FSTL5: variants seen among roughly 807,000 people sequenced by gnomAD.
FSTL5 encodes the protein follistatin-related protein 5.
A neutral mutation model predicts 89.1 loss-of-function variants in FSTL5; 62 were observed. The observed-to-expected ratio is 0.70, with a 90% CI of 0.57 to 0.86. The LOEUF (loss-of-function observed/expected upper bound fraction) is 0.86, where lower values mean the gene tolerates loss of function less well. Ranked by LOEUF, FSTL5 falls within the 40% of genes least tolerant of loss-of-function variation. The pLI is 0.00. For synonymous variants in FSTL5, 383 were observed against 346.2 expected, an observed-to-expected ratio of 1.11 and a Z score of -1.18; for missense variants, 1,057 against 1,001.6, an observed-to-expected ratio of 1.06 and a Z score of -0.75.
rs74281503 is a variant in FSTL5 at position 161,752,226 on chromosome 4, CAGATAGATAGAT to C, written c.727+7173_727+7184del. Among the ~76,000 whole-genome samples the C allele has an allele frequency of 9.9e-4, 137 of 139,070 alleles. 1 individual carries two copies. The highest frequency in any genetic ancestry group is 2.4e-3 in the South Asian group (10 of 4,252). 91.2% of individuals were successfully genotyped at this position (139,070 alleles called of 152,430 possible). A position where few individuals can be genotyped will look rare whatever the true frequency, so the allele number is the denominator to read the frequency against. On this transcript the variant is annotated intron_variant, in intron 6 of 15. Coordinates refer to ENST00000306100, the MANE Select transcript of FSTL5 (RefSeq NM_020116.5). ...TAAATATAGACAGATGATAGATGGA[CAGATAGATAGAT>C]AGATAGATAGATAGATAGATAGATA...
Position 162,033,039 on chromosome 4 carries a change from G to A in FSTL5, c.160+586C>T, listed in dbSNP as rs76646723. Among the ~76,000 whole-genome samples, 2,544 of 152,178 alleles carry A rather than the reference G, an allele frequency of 0.017. 137 individuals are homozygous for A. The East Asian group carries it at 0.19, about 11-fold the overall frequency. On this transcript the variant is annotated intron_variant, in intron 3 of 15. Transcript: ENST00000306100. ...ATCATTATAATCAGCAGAAGCACAA[G>A]TTAATGGAAGTCATTTACTGAAGGA...
At chr4:161,993,547 G>A (rs1454652324) in intron 3 of FSTL5, among the ~76,000 whole-genome samples, 3 of 152,018 alleles carry the variant, frequency 2.0e-5, no homozygotes, top group African/African-American at 7.2e-5. Flanking sequence ...TAGGGTACAT[G>A]TTGTATTTTG....
At chr4:161,504,045 A>G (rs367636627) in intron 11 of FSTL5, among the ~76,000 whole-genome samples, 1 of 151,968 alleles carries the variant, frequency 6.6e-6, no homozygotes, top group East Asian at 1.9e-4. Flanking sequence ...AGAATCCAGC[A>G]TCTTCTATTA....
At chr4:161,680,163 C>T (rs1579015852) in intron 6 of FSTL5, among the ~76,000 whole-genome samples, 1 of 151,584 alleles carries the variant, frequency 6.6e-6, no homozygotes, top group East Asian at 1.9e-4. Flanking sequence ...AAATAATATG[C>T]TAAAAATGAA....
At chr4:161,852,545 C>G (rs12510658) in intron 4 of FSTL5, among the ~76,000 whole-genome samples, 19,186 of 152,150 alleles carry the variant, frequency 0.13, 1,335 homozygotes, top group Middle Eastern at 0.17. Flanking sequence ...TTGTGGAAGA[C>G]AGTGTGGTGA....
At chr4:161,948,048 G>A (rs1055813645) in intron 3 of FSTL5, among the ~76,000 whole-genome samples, 8 of 151,956 alleles carry the variant, frequency 5.3e-5, no homozygotes, top group East Asian at 1.9e-4. Context: ...AGGCCAAGGT[G>A]GCAGAATCGC....
At chr4:162,007,425 A>G (rs1046603842) in intron 3 of FSTL5, among the ~76,000 whole-genome samples, 35 of 151,956 alleles carry the variant, frequency 2.3e-4, no homozygotes, top group African/African-American at 7.9e-4. Context: ...AAGTAAATGT[A>G]TTTTTCAAAT....
Position 161,835,738 on chromosome 4 carries a change from T to C in FSTL5, c.410-59664A>G, listed in dbSNP as rs1331750684. On this transcript the variant is annotated intron_variant, in intron 4 of 15. Transcript: ENST00000306100. ...TCACTGGCTATCAGACAAATGCAAA[T>C]CAAAACCACAATGGGATACCATCCC... Among the ~76,000 whole-genome samples the C allele has an allele frequency of 2.6e-5, 4 of 152,048 alleles. No homozygotes were observed. The East Asian group carries it at 7.7e-4, about 29-fold the overall frequency.
chr4:161,789,058 AT>A (rs1390767478), intron 4 of FSTL5, among the ~76,000 whole-genome samples: 17 of 152,228 alleles, frequency 1.1e-4, no homozygotes, highest in Admixed American at 1.1e-3. Context: ...GGAAACAAAA[AT>A]ATCTTCTCTT....
intron 1 of FSTL5, among the ~76,000 whole-genome samples, chr4:162,161,863 A>G (rs1733709821): frequency 6.6e-6 from 1 of 152,080 alleles, no homozygotes; most frequent in Non-Finnish European, 1.5e-5. Context: ...ATTAGTTTTA[A>G]CAAGAACATT....
intron 2 of FSTL5, among the ~76,000 whole-genome samples, chr4:162,048,598 TACAC>T (rs34979000): frequency 0.7 from 104,854 of 149,396 alleles, 36,912 homozygotes; most frequent in Middle Eastern, 0.83. Context: ...ATTATACACA[TACAC>T]ACACACACAC....
intron 3 of FSTL5, among the ~76,000 whole-genome samples, chr4:161,995,978 A>C (rs890138747): frequency 6.6e-6 from 1 of 152,160 alleles, no homozygotes; most frequent in African/African-American, 2.4e-5. Context: ...AAAAGGATAC[A>C]AAGCGCTTTA....
chr4:161,510,896 T>A (rs1322795708), intron 10 of FSTL5, among the ~76,000 whole-genome samples: 4 of 151,996 alleles, frequency 2.6e-5, no homozygotes, highest in African/African-American at 9.7e-5. Context: ...AAATCCAAGA[T>A]CTTGAACAAC....
intron 7 of FSTL5, among the ~76,000 whole-genome samples, chr4:161,609,479 T>C (rs1734567802): frequency 6.6e-6 from 1 of 152,178 alleles, no homozygotes; most frequent in Non-Finnish European, 1.5e-5. Flanking sequence ...CCATAAACAC[T>C]TAAATTATGT....
chr4:161,534,303 G>A (rs541879789), intron 10 of FSTL5, among the ~76,000 whole-genome samples: 1 of 152,048 alleles, frequency 6.6e-6, no homozygotes, highest in Non-Finnish European at 1.5e-5. Flanking sequence ...TCTCTTTGCT[G>A]GGAATATGAT....
intron 13 of FSTL5, among the ~76,000 whole-genome samples, chr4:161,478,430 A>G (rs1729372435): frequency 1.3e-5 from 2 of 152,108 alleles, no homozygotes; most frequent in Admixed American, 6.6e-5. Flanking sequence ...TATTTAATAT[A>G]CATTGTTAAC....
In FSTL5 at chr4:161,759,505, C is replaced by T. The variant is rs772574508; in HGVS notation, c.633G>A (p.Lys211=). The T allele has an allele frequency of 6.4e-6, 10 of 1,570,440 alleles. No homozygotes were observed. The highest frequency in any genetic ancestry group is 5.5e-5 in the African/African-American group (4 of 72,976). ...CATACAAAGTACAATCAAAGAGATC[C>T]TTGCCAAGTTCTTCCTGTTTTATCA... is the stretch of plus-strand genomic sequence containing the variant. ...TQVIKQEELG[K]DLFDCTLYVL... The change falls in exon 6 of 16, where the codon AAG becomes AAA. Residue 211 remains lysine (K), a synonymous_variant. Coordinates refer to ENST00000306100, the MANE Select transcript of FSTL5 (RefSeq NM_020116.5).
At position 161,900,638 on chromosome 4, in the gene FSTL5, C is replaced by CA. The variant is rs58702301; in HGVS notation, c.409+19765dup. On this transcript the variant is annotated intron_variant, in intron 4 of 15. Transcript: ENST00000306100. Reference sequence around the variant, plus strand: ...TGGGTGACAGAGCGAGACTCCATCTCAAAAAAAAAAAAAAAAAAAAGAAAG... The same window carrying CA: ...TGGGTGACAGAGCGAGACTCCATCTCAAAAAAAAAAAAAAAAAAAAAGAAAG... 4.7e-3 allele frequency among the ~76,000 whole-genome samples: 308 copies of CA among 65,234 alleles called. 1 individual carries two copies. Among genetic ancestry groups the CA allele is most frequent in the Middle Eastern group, 0.011 (1 of 94 alleles). The allele number at this position is 65,234 out of a possible 152,430, so 42.8% of individuals were successfully genotyped here.
chr4:161,894,998 G>A (rs1733109835), intron 4 of FSTL5, among the ~76,000 whole-genome samples: 2 of 152,160 alleles, frequency 1.3e-5, no homozygotes, highest in Admixed American at 1.3e-4. Flanking sequence ...TTATGTCTCA[G>A]GTACTGTGCT....
Sources: allele counts gnomAD v4.1 joint callset (sites outside exome capture counted in the v4.1 genomes callset), GRCh38; gene constraint gnomAD v4.1.1; transcripts MANE v1.5; gene names NCBI Gene and HGNC (gene_info 2026-07-23, HGNC 2026-07-21).